The following GABRG3 variants were observed in gnomAD, a reference collection of about 807,000 sequenced individuals.
The protein encoded by GABRG3 is gamma-aminobutyric acid type A receptor subunit gamma3.
Under a neutral mutation model 48.8 loss-of-function variants are expected in GABRG3, and 25 were observed. The ratio of observed to expected loss-of-function variants is 0.51; its 90% confidence interval spans 0.37 to 0.72. The LOEUF (loss-of-function observed/expected upper bound fraction) is 0.72. Ranked by LOEUF, GABRG3 falls within the 30% of genes least tolerant of loss-of-function variation. The pLI is 0.00. For synonymous variants in GABRG3, 227 were observed against 217.6 expected (o/e 1.04, Z -0.38); for missense variants, 394 against 577.9 (o/e 0.68, Z 3.26).
intron 3 of GABRG3, among the ~76,000 whole-genome samples, chr15:27,168,264 C>G (rs1007955148): frequency 7.2e-5 from 11 of 152,062 alleles, no homozygotes; most frequent in Non-Finnish European, 1.3e-4. Context: ...AAGGTTGAAG[C>G]TCTCATTCAA....
At chr15:27,211,105 G>A (rs1889064974) in intron 3 of GABRG3, among the ~76,000 whole-genome samples, 1 of 152,096 alleles carries the variant, frequency 6.6e-6, no homozygotes, top group African/African-American at 2.4e-5. Context: ...ATGAACCAAT[G>A]AGGAAACACC....
chr15:27,354,135 C>CT (rs1894751008), intron 5 of GABRG3, among the ~76,000 whole-genome samples: 1 of 152,156 alleles, frequency 6.6e-6, no homozygotes, highest in Non-Finnish European at 1.5e-5. Flanking sequence ...CCCTCTAAGC[C>CT]TTCGTCTCAT....
chr15:27,386,872 C>T (rs188844217), intron 5 of GABRG3, among the ~76,000 whole-genome samples: 12 of 152,236 alleles, frequency 7.9e-5, no homozygotes, highest in African/African-American at 2.9e-4. Context: ...CCATAGATCA[C>T]TTTGTTCTTG....
In GABRG3 at chr15:27,464,235, A is replaced by G. The variant is rs969884060; in HGVS notation, c.575-16415A>G. ...ATAACATTGTCATCACCCCAAAATGAAACCCTGTACCCATTAAGCAGTTAC... is the reference window on the plus strand; with the variant it reads ...ATAACATTGTCATCACCCCAAAATGGAACCCTGTACCCATTAAGCAGTTAC... On this transcript the variant is annotated intron_variant, in intron 5 of 9. Coordinates refer to ENST00000615808, the MANE Select transcript of GABRG3 (RefSeq NM_033223.5). Among the ~76,000 whole-genome samples, 4 of 152,138 alleles carry G rather than the reference A, an allele frequency of 2.6e-5. No individual in the cohort carries two copies. In the South Asian group the frequency reaches 8.3e-4, roughly 32 times the overall value.
At chr15:27,086,986 C>T (rs796773764) in intron 3 of GABRG3, among the ~76,000 whole-genome samples, 2 of 152,194 alleles carry the variant, frequency 1.3e-5, no homozygotes, top group Non-Finnish European at 2.9e-5. Flanking sequence ...AAAGTGTCTG[C>T]AGGCCAAAGA....
Position 27,063,796 on chromosome 15 carries a change from C to T in GABRG3, c.270+36975C>T, listed in dbSNP as rs80038257. On this transcript the variant is annotated intron_variant, in intron 3 of 9. Coordinates refer to ENST00000615808, the MANE Select transcript of GABRG3 (RefSeq NM_033223.5). ...CCATCTTTGCAATGAGCACAGAGTC[C>T]GCCCCTGCAGAGCCCCCCAGGTCAG... is the stretch of plus-strand genomic sequence containing the variant. Among the ~76,000 whole-genome samples, 1,098 of 152,264 alleles carry T rather than the reference C, an allele frequency of 7.2e-3. 14 individuals are homozygous for T. The highest frequency in any genetic ancestry group is 0.025 in the African/African-American group (1,054 of 41,528).
chr15:27,129,678 C>T lies in GABRG3; in HGVS notation c.270+102857C>T, dbSNP rs61485252. Among the ~76,000 whole-genome samples, 845 of 152,026 alleles carry T rather than the reference C, an allele frequency of 5.6e-3. 9 individuals are homozygous for T. The highest frequency in any genetic ancestry group is 0.019 in the African/African-American group (793 of 41,512). ...GCAGTGCAAAGAAATGCCAATTTCT[C>T]CACATCCTCGCCAACACTTGTTAGT... On this transcript the variant is annotated intron_variant, in intron 3 of 9. Coordinates refer to ENST00000615808, the MANE Select transcript of GABRG3 (RefSeq NM_033223.5).
intron 5 of GABRG3, among the ~76,000 whole-genome samples, chr15:27,430,095 A>T (rs951013294): frequency 6.6e-6 from 1 of 152,204 alleles, no homozygotes; most frequent in African/African-American, 2.4e-5. Flanking sequence ...AGGCATTCCA[A>T]TGAGTGTGCA....
chr15:27,425,943 A>T (rs1888278411), intron 5 of GABRG3, among the ~76,000 whole-genome samples: 1 of 152,224 alleles, frequency 6.6e-6, no homozygotes, highest in Non-Finnish European at 1.5e-5. Flanking sequence ...CAAGTGAAGA[A>T]GCTGGTAGAG....
chr15:27,306,572 GTTTATATATAAACATATAATA>G (rs1566768367), intron 3 of GABRG3, among the ~76,000 whole-genome samples: 9 of 42,162 alleles, frequency 2.1e-4, no homozygotes, highest in Non-Finnish European at 6.8e-4. Context: ...AAACATATAT[GTTTATATATAAACATATAATA>G]TAAACATATG....
At chr15:27,339,197 G>A (rs992310532) in intron 5 of GABRG3, among the ~76,000 whole-genome samples, 16 of 152,260 alleles carry the variant, frequency 1.1e-4, no homozygotes, top group African/African-American at 3.9e-4. Context: ...GGTAAGAGGT[G>A]TGGACATCCA....
intron 5 of GABRG3, among the ~76,000 whole-genome samples, chr15:27,454,130 G>C (rs975510942): frequency 2.0e-5 from 3 of 152,208 alleles, no homozygotes; most frequent in Non-Finnish European, 4.4e-5. Flanking sequence ...TCAATTTGGG[G>C]TTGTACCTTG....
At chr15:27,403,482 C>T (rs557828868) in intron 5 of GABRG3, among the ~76,000 whole-genome samples, 3 of 152,220 alleles carry the variant, frequency 2.0e-5, no homozygotes, top group South Asian at 2.1e-4. Flanking sequence ...AGCTGAAAAC[C>T]AGACCCAACA....
At chr15:27,155,754 G>C (rs903597461) in intron 3 of GABRG3, among the ~76,000 whole-genome samples, 6 of 152,080 alleles carry the variant, frequency 3.9e-5, no homozygotes, top group African/African-American at 1.4e-4. Flanking sequence ...TGGCTGGACG[G>C]GTACAAGTAC....
At chr15:27,092,568 T>C (rs1216183843) in intron 3 of GABRG3, among the ~76,000 whole-genome samples, 3 of 152,206 alleles carry the variant, frequency 2.0e-5, no homozygotes, top group Admixed American at 2.0e-4. Context: ...CTGGAGGCTC[T>C]GTGTCGTGTT....
intron 3 of GABRG3, among the ~76,000 whole-genome samples, chr15:27,234,022 A>T (rs1889882798): frequency 6.6e-6 from 1 of 152,160 alleles, no homozygotes; most frequent in Admixed American, 6.5e-5. Flanking sequence ...TGGGAGAGGG[A>T]GCTTTAGAGA....
At chr15:27,334,615 T>C (rs1464684730) in intron 5 of GABRG3, among the ~76,000 whole-genome samples, 1 of 152,190 alleles carries the variant, frequency 6.6e-6, no homozygotes, top group Admixed American at 6.5e-5. Context: ...TTTAAAATGC[T>C]ATGGTATGAG....
At chr15:27,048,182 C>T (rs968451250) in intron 3 of GABRG3, among the ~76,000 whole-genome samples, 3 of 152,096 alleles carry the variant, frequency 2.0e-5, no homozygotes, top group Non-Finnish European at 4.4e-5. Flanking sequence ...CACCCCACTG[C>T]CCTGGGAGCA....
chr15:27,336,212 G>C (rs1294411039), intron 5 of GABRG3, among the ~76,000 whole-genome samples: 1 of 109,372 alleles, frequency 9.1e-6, no homozygotes, highest in Admixed American at 8.6e-5. Context: ...GAAAGAAAGA[G>C]AGAGAGAGAG....
Sources: gnomAD v4.1 joint callset for allele counts (sites outside exome capture counted in the v4.1 genomes callset) on GRCh38, gnomAD v4.1.1 for gene constraint, MANE v1.5 for transcripts, NCBI Gene and HGNC (gene_info 2026-07-23, HGNC 2026-07-21) for gene names.